The following NRK variants were observed in gnomAD, a reference collection of about 807,000 sequenced individuals.
NRK encodes the protein Nik related kinase.
Under a neutral mutation model 125.2 loss-of-function variants are expected in NRK, and 67 were observed. The ratio of observed to expected loss-of-function variants is 0.54; its 90% CI spans 0.44 to 0.66. The LOEUF is 0.66. Ranked by LOEUF, NRK falls within the 30% of genes least tolerant of loss-of-function variation. NRK has a pLI of 0.00. For synonymous variants in NRK, 458 were observed against 429.0 expected, an observed-to-expected ratio of 1.07 and a Z score of -0.84; for missense variants, 1,224 against 1,192.9, an observed-to-expected ratio of 1.03 and a Z score of -0.38.
At chrX:105,908,424 C>A in intron 12 of NRK, 121 bp downstream of exon 12, 1 of 453,484 alleles carries the variant, frequency 2.2e-6, no homozygotes, top group Non-Finnish European at 3.6e-6. Context: ...AATAACAAAT[C>A]TCTGTTTTTA....
chrX:105,929,406 C>G (rs1050868688), intron 19 of NRK, among the ~76,000 whole-genome samples: 16 of 110,985 alleles, frequency 1.4e-4, no homozygotes, highest in African/African-American at 5.2e-4. Context: ...TTCTTATAGG[C>G]AACATATAAT....
intron 2 of NRK, among the ~76,000 whole-genome samples, chrX:105,833,010 C>T (rs779808659): frequency 9.0e-6 from 1 of 110,707 alleles, no homozygotes; most frequent in Non-Finnish European, 1.9e-5. Context: ...GTTTGGGTGA[C>T]AGAGCAAGAC....
intron 25 of NRK, 31 bp from the exon 26 acceptor site, chrX:105,946,284 C>A (rs373956922): frequency 8.6e-7 from 1 of 1,160,367 alleles, no homozygotes; most frequent in Non-Finnish European, 1.2e-6. Context: ...CATTTTTGGC[C>A]TTTTGGCCAT....
At chrX:105,867,098 G>A (rs2039682348) in intron 2 of NRK, among the ~76,000 whole-genome samples, 1 of 111,286 alleles carries the variant, frequency 9.0e-6, no homozygotes, top group African/African-American at 3.3e-5. Context: ...GTTCTCTAAG[G>A]TTCTCTGTTA....
At chrX:105,868,736 G>T (rs1222417272) in intron 2 of NRK, among the ~76,000 whole-genome samples, 2 of 84,942 alleles carry the variant, frequency 2.4e-5, no homozygotes, top group Non-Finnish European at 4.5e-5. Flanking sequence ...CCACCACTCT[G>T]TTCGCCACAC....
At chrX:105,895,348 T>C (rs2147728145) in intron 6 of NRK, 85 bp from the exon 7 acceptor site, 1 of 753,232 alleles carries the variant, frequency 1.3e-6, no homozygotes, top group Admixed American at 2.4e-5. Context: ...TTTCCAAAAA[T>C]ACTAAGAACT....
At chrX:105,837,238 C>T (rs1421314444) in intron 2 of NRK, among the ~76,000 whole-genome samples, 1 of 111,363 alleles carries the variant, frequency 9.0e-6, no homozygotes, top group Non-Finnish European at 1.9e-5. Flanking sequence ...AAGTACAGAA[C>T]ATATATATCT....
At chrX:105,939,128 C>T (rs1009843453) in intron 22 of NRK, among the ~76,000 whole-genome samples, 1 of 111,652 alleles carries the variant, frequency 9.0e-6, no homozygotes, top group Non-Finnish European at 1.9e-5. Context: ...AACCCTAACA[C>T]TGCTTCAAAA....
intron 19 of NRK, among the ~76,000 whole-genome samples, chrX:105,933,170 A>ATCTATCTG (rs1569316448): frequency 2.0e-5 from 1 of 50,483 alleles, no homozygotes; most frequent in African/African-American, 6.6e-5. Context: ...ATGTCTGTCT[A>ATCTATCTG]TCTATCTATC....
chrX:105,942,125 C>T (rs1436742462), intron 23 of NRK, among the ~76,000 whole-genome samples: 5 of 111,860 alleles, frequency 4.5e-5, no homozygotes, highest in African/African-American at 1.6e-4. Flanking sequence ...ATCAGCAATT[C>T]CTTTTTATTG....
rs768076188 is a variant in NRK, at chrX:105,912,671, CAAT to C, written c.2266_2268del (p.Asn756del). On this transcript the variant is annotated inframe_deletion, in exon 14 of 29. Transcript: ENST00000243300. ...AGGACAAAGAAGATGAATCATCAGA[CAAT>C]GATGAAGTATTTCATTCGATTCAGG... is the stretch of plus-strand genomic sequence containing the variant. The C allele has an allele frequency of 9.1e-7, 1 of 1,098,070 alleles. No individual in the cohort carries two copies. The highest frequency in any genetic ancestry group is 1.2e-6 in the Non-Finnish European group (1 of 815,382). The allele number at this position is 1,098,070 out of a possible 1,213,427, so 90.5% of individuals were successfully genotyped here. A position where few individuals can be genotyped will look rare whatever the true frequency, so the allele number is the denominator to read the frequency against.
At chrX:105,845,454 G>C (rs143408950) in intron 2 of NRK, among the ~76,000 whole-genome samples, 3 of 111,522 alleles carry the variant, frequency 2.7e-5, no homozygotes, top group South Asian at 3.8e-4. Flanking sequence ...GCCAGATTTG[G>C]CAAATAAAAA....
intron 4 of NRK, among the ~76,000 whole-genome samples, chrX:105,886,710 A>T (rs1173902193): frequency 9.3e-6 from 1 of 107,478 alleles, no homozygotes; most frequent in East Asian, 2.9e-4. Flanking sequence ...ATTTCTCTAT[A>T]TTTGGTATGC....
Position 105,912,731 on chromosome X carries a change from C to A in NRK, c.2325C>A (p.Tyr775Ter). 9.2e-7 allele frequency: 1 copy of A among 1,083,018 alleles called. No individual in the cohort carries two copies. The highest frequency in any genetic ancestry group is 1.2e-6 in the Non-Finnish European group (1 of 805,652). The allele number at this position is 1,083,018 out of a possible 1,213,427, so 89.3% of individuals were successfully genotyped here. A position where few individuals can be genotyped will look rare whatever the true frequency, so the allele number is the denominator to read the frequency against. The change falls in exon 14 of 29, where the codon TAC becomes TAA. Residue 775 changes from tyrosine (Y) to a stop codon, truncating the protein, a stop_gained. Transcript: ENST00000243300. LOFTEE classifies it high-confidence loss of function. ...TCCAGATAGAGCCATTGAAGCCATACATTTCAAATCCTAAAAAAATTGAGG... is the reference window on the plus strand; with the variant it reads ...TCCAGATAGAGCCATTGAAGCCATAAATTTCAAATCCTAAAAAAATTGAGG... ...AEVQIEPLKP[Y>*]ISNPKKIEVQ...
intron 2 of NRK, among the ~76,000 whole-genome samples, chrX:105,850,655 G>T (rs2147665624): frequency 8.9e-6 from 1 of 111,916 alleles, no homozygotes; most frequent in Admixed American, 9.5e-5. Flanking sequence ...TCTCTCTCAA[G>T]TTGAAAGTTC....
chrX:105,868,072 T>G (rs1289549095), intron 2 of NRK, among the ~76,000 whole-genome samples: 1 of 111,470 alleles, frequency 9.0e-6, no homozygotes, highest in Non-Finnish European at 1.9e-5. Flanking sequence ...CTATAACTAA[T>G]TTTTATATTT....
At position 105,909,374 on chromosome X, in the gene NRK, C is replaced by T. The variant is rs749331842; in HGVS notation, c.1733C>T (p.Pro578Leu). The T allele has an allele frequency of 6.6e-6, 8 of 1,206,598 alleles. No homozygotes were observed. The highest frequency in any genetic ancestry group is 5.6e-6 in the Non-Finnish European group (5 of 892,635). Residue 578 changes from proline to leucine, a missense_variant, in exon 13 of 29, where the codon CCT becomes CTT. By Grantham distance (98) the Pro-to-Leu change is moderately conservative. Coordinates refer to ENST00000243300, the MANE Select transcript of NRK (RefSeq NM_198465.4). ...PAQAETEAEE[P>L]ESLRVNAQVF... ...CAGGCAGAGACTGAGGCAGAGGAACCTGAGTCATTACGAGTAAATGCCCAG... is the reference window on the plus strand; with the variant it reads ...CAGGCAGAGACTGAGGCAGAGGAACTTGAGTCATTACGAGTAAATGCCCAG...
At position 105,942,624 on chromosome X, in the gene NRK, C is replaced by CT. The variant is rs746984091; in HGVS notation, c.3959-1310dup. 1.9e-3 allele frequency among the ~76,000 whole-genome samples: 214 copies of CT among 110,932 alleles called. 3 individuals are homozygous for CT. The highest frequency in any genetic ancestry group is 6.8e-3 in the African/African-American group (207 of 30,516). ...CTTTAAGTATTCCATATACTAGAGTCTTTTTTTCTTTTGAGGCAGAGTCTC... is the reference window on the plus strand; with the variant it reads ...CTTTAAGTATTCCATATACTAGAGTCTTTTTTTTCTTTTGAGGCAGAGTCTC... On this transcript the variant is annotated intron_variant, in intron 23 of 28. Transcript: ENST00000243300.
intron 27 of NRK, among the ~76,000 whole-genome samples, chrX:105,950,426 A>G (rs1214406104): frequency 1.1e-4 from 12 of 110,507 alleles, no homozygotes; most frequent in Non-Finnish European, 2.3e-4. Flanking sequence ...AACATAATGC[A>G]TACAAAAAGT....
Sources: gnomAD v4.1 joint callset for allele counts (sites outside exome capture counted in the v4.1 genomes callset) on GRCh38, gnomAD v4.1.1 for gene constraint, MANE v1.5 for transcripts, NCBI Gene and HGNC (gene_info 2026-07-23, HGNC 2026-07-21) for gene names.